The following ENDOV variants were observed in gnomAD, a reference collection of about 807,000 sequenced individuals.
ENDOV encodes hEndoV.
A neutral mutation model predicts 39.4 loss-of-function variants in ENDOV; 37 were observed. The observed-to-expected ratio is 0.94, with a 90% CI of 0.72 to 1.23. The LOEUF (loss-of-function observed/expected upper bound fraction) is 1.23. Among genes scored for constraint, ENDOV ranks in the 50% most tolerant of loss-of-function variants. The probability of loss-of-function intolerance (pLI) is 0.00; values close to 1 mark genes in which losing one functional copy is unlikely to be tolerated. For missense variants in ENDOV, 441 were observed against 375.7 expected, an observed-to-expected ratio of 1.17 and a Z score of -1.44; for synonymous variants, 186 against 163.4, an observed-to-expected ratio of 1.14 and a Z score of -1.05.
chr17:80,423,483 C>CCAA, intron 4 of ENDOV, 37 bp from the exon 5 acceptor site: 1 of 1,314,598 alleles, frequency 7.6e-7, no homozygotes, highest in Non-Finnish European at 1.1e-6. Flanking sequence ...GGCCCCAGCC[C>CCAA]CACCTCCCCA....
chr17:80,432,425 C>T (rs1455903279), intron 9 of ENDOV, among the ~76,000 whole-genome samples: 1 of 152,112 alleles, frequency 6.6e-6, no homozygotes, highest in Non-Finnish European at 1.5e-5. Context: ...GGGCCGTGGA[C>T]AGCCTCCAGA....
Position 80,415,205 on chromosome 17 carries a change from A to G in ENDOV, c.11A>G (p.Glu4Gly). The G allele has an allele frequency of 2.5e-6, 4 of 1,613,206 alleles. No individual in the cohort carries two copies. The highest frequency in any genetic ancestry group is 3.4e-6 in the Non-Finnish European group (4 of 1,179,658). MAL[E>G]AAGGPPEETL... ...GCCCGGGACGAAGCCATGGCCCTGG[A>G]GGCGGCGGGAGGGCCGCCGGAGGAA... is the stretch of plus-strand genomic sequence containing the variant. The change falls in exon 1 of 10, where the codon GAG becomes GGG. Residue 4 changes from glutamate (E) to glycine (G), a missense_variant. By Grantham distance (98) the Glu-to-Gly change is moderately conservative (BLOSUM62 -2). Transcript: ENST00000518137.
intron 7 of ENDOV, 24 bp from the exon 8 acceptor site, chr17:80,428,572 C>G: frequency 6.4e-7 from 1 of 1,566,840 alleles, no homozygotes; most frequent in Non-Finnish European, 8.6e-7. Flanking sequence ...GCTCAGCACC[C>G]AGCAGCACGT....
chr17:80,428,741 C>G, intron 8 of ENDOV, 81 bp downstream of exon 8: 3 of 1,360,336 alleles, frequency 2.2e-6, no homozygotes, highest in South Asian at 1.3e-5. Flanking sequence ...CTCAGCCTCT[C>G]CTTGTTGCAA....
chr17:80,437,555 C>T lies in ENDOV; in HGVS notation c.*1412C>T, dbSNP rs1259303353. ...CGGCACCTGTAGTCCGTTTGGGGTG[C>T]AGGTGTGTGCCAGGGGTCTTCAGCC... On this transcript the variant is annotated 3_prime_UTR_variant, in exon 10 of 10. Coordinates refer to ENST00000518137, the MANE Select transcript of ENDOV (RefSeq NM_173627.5). 2 of 152,518 alleles carry T rather than the reference C, an allele frequency of 1.3e-5. No individual in the cohort carries two copies. The highest frequency in any genetic ancestry group is 2.4e-5 in the African/African-American group (1 of 41,436). The allele number at this position is 152,518 out of a possible 1,614,324, so 9.4% of individuals were successfully genotyped here. A position where few individuals can be genotyped will look rare whatever the true frequency, so the allele number is the denominator to read the frequency against.
chr17:80,422,356 C>A, intron 4 of ENDOV, 111 bp downstream of exon 4: 1 of 1,332,850 alleles, frequency 7.5e-7, no homozygotes, highest in Non-Finnish European at 1.1e-6. Flanking sequence ...CTGCCGCCAG[C>A]CCCCTCCAAT....
chr17:80,422,890 C>T (rs2144950809), intron 4 of ENDOV, among the ~76,000 whole-genome samples: 1 of 152,280 alleles, frequency 6.6e-6, no homozygotes, highest in East Asian at 1.9e-4. Flanking sequence ...TTAGGAGAGA[C>T]GGGGTTTCAC....
intron 2 of ENDOV, chr17:80,419,699 A>G (rs907905247): frequency 1.4e-6 from 1 of 702,232 alleles, no homozygotes; most frequent in Non-Finnish European, 2.6e-6. Flanking sequence ...AGAGGCTGCG[A>G]TGACGTCCAG....
At chr17:80,428,344 T>A in intron 7 of ENDOV, 1 of 524,170 alleles carries the variant, frequency 1.9e-6, no homozygotes, top group Non-Finnish European at 3.4e-6. Context: ...ACTCACCAGC[T>A]ACTCAGGCCC....
chr17:80,415,468 C>T (rs1308886019), intron 1 of ENDOV, 182 bp from the exon 2 acceptor site: 5 of 1,009,862 alleles, frequency 5.0e-6, no homozygotes, highest in Non-Finnish European at 7.1e-6. Context: ...GTCTGGCCTG[C>T]GCTTGCGCGG....
intron 9 of ENDOV, among the ~76,000 whole-genome samples, chr17:80,433,600 G>A (rs1265188163): frequency 6.6e-6 from 1 of 152,264 alleles, no homozygotes; most frequent in Admixed American, 6.5e-5. Context: ...TTCCCAGGGG[G>A]CCGGGAGACT....
intron 2 of ENDOV, among the ~76,000 whole-genome samples, chr17:80,421,287 GTCCCGGGGAATCCTCATACAGACCAGA>G (rs1187415501): frequency 8.8e-5 from 6 of 67,996 alleles, no homozygotes; most frequent in South Asian, 4.4e-4. Context: ...TATGGACCGG[GTCCCGGGGAATCCTCATACAGACCAGA>G]TCCCGGGGAA....
At chr17:80,428,753 A>T in intron 8 of ENDOV, 93 bp downstream of exon 8, 5 of 1,273,438 alleles carry the variant, frequency 3.9e-6, no homozygotes, top group Non-Finnish European at 5.5e-6. Flanking sequence ...TTGTTGCAAT[A>T]TTGTGGCTCA....
rs751349447 is a variant in ENDOV, at chr17:80,428,631, G to A, written c.750G>A (p.Ser250=). The change falls in exon 8 of 10, where the codon TCG becomes TCA. Residue 250 remains serine (S), a synonymous_variant. Coordinates refer to ENST00000518137, the MANE Select transcript of ENDOV (RefSeq NM_173627.5). The part of the protein sequence containing the change: ...DICSREHIRK[S]LGLPGPPTPR... ...GCTCCCGAGAGCACATCCGCAAGTC[G>A]CTGGGACTCCCCGGGCCACCCACAC... 7.6e-6 allele frequency: 12 copies of A among 1,585,650 alleles called. No homozygotes were observed. Among genetic ancestry groups the A allele is most frequent in the Admixed American group, 1.8e-5 (1 of 56,550 alleles).
At chr17:80,436,076 A>T in intron 9 of ENDOV, 57 bp from the exon 10 acceptor site, 1 of 1,588,098 alleles carries the variant, frequency 6.3e-7, no homozygotes. Context: ...CCTCCTTTCC[A>T]CTCTGAACGC....
rs1295539603 is a variant in ENDOV at position 80,415,211 on chromosome 17, C to A, written c.17C>A (p.Ala6Glu). 17 of 1,613,246 alleles carry A rather than the reference C, an allele frequency of 1.1e-5. No individual in the cohort carries two copies. In the East Asian group the frequency reaches 3.6e-4, roughly 34 times the overall value. The change falls in exon 1 of 10, where the codon GCG becomes GAG. Residue 6 changes from alanine (A) to glutamate (E), a missense_variant. By Grantham distance (107) the Ala-to-Glu change is moderately radical. Transcript: ENST00000518137. ...GACGAAGCCATGGCCCTGGAGGCGG[C>A]GGGAGGGCCGCCGGAGGAAACGCTG... MALEA[A>E]GGPPEETLSL...
At chr17:80,433,269 A>G (rs1216926258) in intron 9 of ENDOV, 1 of 517,160 alleles carries the variant, frequency 1.9e-6, no homozygotes, top group Non-Finnish European at 3.9e-6. Context: ...GGTGGGGGAT[A>G]TTCCACCAGG....
At chr17:80,428,135 G>A in intron 7 of ENDOV, among the ~76,000 whole-genome samples, 1 of 152,214 alleles carries the variant, frequency 6.6e-6, no homozygotes, top group Non-Finnish European at 1.5e-5. Context: ...CTGGAGACGG[G>A]ACAGGGGTTA....
intron 7 of ENDOV, chr17:80,427,735 C>T: frequency 7.8e-7 from 1 of 1,289,370 alleles, no homozygotes; most frequent in Non-Finnish European, 1.0e-6. Flanking sequence ...GGTCTGCTCT[C>T]TCCCTGGCTC....
Sources: allele counts gnomAD v4.1 joint callset (sites outside exome capture counted in the v4.1 genomes callset), GRCh38; gene constraint gnomAD v4.1.1; transcripts MANE v1.5; gene names NCBI Gene and HGNC (gene_info 2026-07-23, HGNC 2026-07-21).